The following SLC27A2 variants were observed in gnomAD, a reference collection of about 807,000 sequenced individuals.
SLC27A2 encodes long-chain fatty acid transport protein 2.
Under a neutral mutation model 60.0 loss-of-function variants are expected in SLC27A2, and 54 were observed. The ratio of observed to expected loss-of-function variants is 0.90; its 90% CI spans 0.72 to 1.13. SLC27A2 has a LOEUF of 1.13. Ranked by LOEUF, SLC27A2 falls within the 50% of genes most tolerant of loss-of-function variation. The pLI, the probability that SLC27A2 is intolerant of heterozygous loss-of-function variation, is 0.00. For missense variants in SLC27A2, 739 were observed against 777.6 expected (o/e 0.95, Z 0.59); for synonymous variants, 297 against 297.6 (o/e 1.00, Z 0.02).
rs2045072586 is a variant in SLC27A2 at position 50,202,487 on chromosome 15, G to A, written c.689G>A (p.Gly230Asp). 1 of 1,613,918 alleles carries A rather than the reference G, an allele frequency of 6.2e-7. No homozygotes were observed. Among genetic ancestry groups the A allele is most frequent in the Admixed American group, 1.7e-5 (1 of 59,986 alleles). Reference sequence around the variant, plus strand: ...TGCCTTCTCTTGTATATTTACAAAGGTCTTCCAAAAGCAGCCATGATCACT... The same window carrying A: ...TGCCTTCTCTTGTATATTTACAAAGATCTTCCAAAAGCAGCCATGATCACT... Reference protein sequence around the residue: ...ALYIYTSGTTGLPKAAMITHQ... With the variant: ...ALYIYTSGTTDLPKAAMITHQ... The change falls in exon 3 of 10, where the codon GGT (glycine) becomes GAT (aspartate). Residue 230 changes from glycine (G) to aspartate (D), a missense_variant and splice_region_variant. By Grantham distance (94) the Gly-to-Asp change is moderately conservative. Transcript: ENST00000267842.
At position 50,182,474 on chromosome 15, in the gene SLC27A2, C is replaced by T. The variant is rs1214993026; in HGVS notation, c.47C>T (p.Pro16Leu). 6.2e-7 allele frequency: 1 copy of T among 1,609,602 alleles called. No homozygotes were observed. Among genetic ancestry groups the T allele is most frequent in the African/African-American group, 1.3e-5 (1 of 74,858 alleles). Residue 16 changes from proline (P) to leucine (L), a missense_variant, in exon 1 of 10, where the codon CCG becomes CTG. Pro to Leu is a moderately conservative substitution (Grantham distance 98). Coordinates refer to ENST00000267842, the MANE Select transcript of SLC27A2 (RefSeq NM_003645.4). ...GTCCTGGCGGGACTGCTGTTCCTGC[C>T]GCTCCTGGTGAACCTCTGCTGCCCA... ...YTVLAGLLFL[P>L]LLVNLCCPYF...
At chr15:50,194,053 G>C (rs1430948170) in intron 1 of SLC27A2, among the ~76,000 whole-genome samples, 1 of 152,066 alleles carries the variant, frequency 6.6e-6, no homozygotes, top group Non-Finnish European at 1.5e-5. Flanking sequence ...GGCTGAAATG[G>C]GAAAATCACT....
intron 1 of SLC27A2, among the ~76,000 whole-genome samples, chr15:50,189,055 A>ATACG (rs971303679): frequency 1.3e-5 from 2 of 151,970 alleles, no homozygotes; most frequent in East Asian, 3.8e-4. Flanking sequence ...ACATACATAC[A>ATACG]TACATAATGG....
At chr15:50,228,839 C>T (rs927228226) in intron 7 of SLC27A2, 106 bp from the exon 8 acceptor site, 15 of 762,248 alleles carry the variant, frequency 2.0e-5, no homozygotes, top group Non-Finnish European at 3.2e-5. Flanking sequence ...ATGAGGAACA[C>T]GAGATCAGGA....
chr15:50,212,740 G>T (rs2045167750), intron 4 of SLC27A2, among the ~76,000 whole-genome samples: 2 of 152,192 alleles, frequency 1.3e-5, no homozygotes, highest in African/African-American at 4.8e-5. Flanking sequence ...AACAAATGCT[G>T]AGAGAATTCG....
intron 6 of SLC27A2, among the ~76,000 whole-genome samples, chr15:50,226,361 GCCTTTA>G (rs1182303354): frequency 1.3e-5 from 2 of 152,178 alleles, no homozygotes; most frequent in Non-Finnish European, 2.9e-5. Flanking sequence ...GTTTTAGGTG[GCCTTTA>G]CCTTTAAGCT....
At chr15:50,206,239 A>G (rs563798859) in intron 4 of SLC27A2, among the ~76,000 whole-genome samples, 1 of 152,206 alleles carries the variant, frequency 6.6e-6, no homozygotes, top group Non-Finnish European at 1.5e-5. Context: ...CCAGGTCATG[A>G]TCATCAAAAT....
At chr15:50,216,753 T>C (rs1261808945) in intron 4 of SLC27A2, among the ~76,000 whole-genome samples, 2 of 144,072 alleles carry the variant, frequency 1.4e-5, no homozygotes, top group African/African-American at 2.5e-5. Flanking sequence ...TTCCATATGA[T>C]ATATATATAT....
chr15:50,212,601 C>T (rs1002338220), intron 4 of SLC27A2, among the ~76,000 whole-genome samples: 1 of 152,186 alleles, frequency 6.6e-6, no homozygotes, highest in Non-Finnish European at 1.5e-5. Flanking sequence ...TCAGCAGAAA[C>T]CCTACAAGCT....
chr15:50,233,727 T>C, intron 8 of SLC27A2, 141 bp from the exon 9 acceptor site: 1 of 683,452 alleles, frequency 1.5e-6, no homozygotes, highest in South Asian at 2.2e-5. Flanking sequence ...CTTTACAGTA[T>C]CTTCATGTAT....
intron 4 of SLC27A2, among the ~76,000 whole-genome samples, chr15:50,219,317 G>T (rs1244006449): frequency 6.6e-6 from 1 of 152,134 alleles, no homozygotes; most frequent in African/African-American, 2.4e-5. Flanking sequence ...GGGGGTGAAG[G>T]GTGGGAACAG....
intron 2 of SLC27A2, 118 bp from the exon 3 acceptor site, chr15:50,202,369 C>A: frequency 1.0e-6 from 1 of 998,860 alleles, no homozygotes; most frequent in Non-Finnish European, 1.5e-6. Context: ...TGGTCATGGC[C>A]CTTCCCAGTG....
chr15:50,201,134 C>T (rs1242165506), intron 2 of SLC27A2, among the ~76,000 whole-genome samples: 3 of 152,088 alleles, frequency 2.0e-5, no homozygotes, highest in Admixed American at 1.3e-4. Context: ...AGGTGCATAC[C>T]GCCACACCCA....
intron 1 of SLC27A2, among the ~76,000 whole-genome samples, chr15:50,189,985 T>A (rs1595679978): frequency 6.6e-6 from 1 of 152,336 alleles, no homozygotes; most frequent in East Asian, 1.9e-4. Flanking sequence ...ATTACCTAAA[T>A]GTAAAATGAG....
chr15:50,211,832 G>C (rs927530118), intron 4 of SLC27A2, among the ~76,000 whole-genome samples: 5 of 152,112 alleles, frequency 3.3e-5, no homozygotes, highest in African/African-American at 1.2e-4. Context: ...AGCACTTTGG[G>C]AGGCTGAGGC....
chr15:50,182,890 C>G lies in SLC27A2; in HGVS notation c.463C>G (p.Leu155Val). Residue 155 changes from leucine (L) to valine (V), a missense_variant, in exon 1 of 10, where the codon CTG becomes GTG. Leu to Val is a conservative substitution (Grantham distance 32). Coordinates refer to ENST00000267842, the MANE Select transcript of SLC27A2 (RefSeq NM_003645.4). Reference sequence around the variant, plus strand: ...CTTCCAGTGCTGCGGGGCGAAGGTGCTGCTGGTGTCGCCAGGTGAGCCCCG... The same window carrying G: ...CTTCCAGTGCTGCGGGGCGAAGGTGGTGCTGGTGTCGCCAGGTGAGCCCCG... The part of the protein sequence containing the change: ...HCFQCCGAKV[L>V]LVSPELQAAV... 6.2e-7 allele frequency: 1 copy of G among 1,607,866 alleles called. No homozygotes were observed. Among genetic ancestry groups the G allele is most frequent in the Non-Finnish European group, 8.5e-7 (1 of 1,177,550 alleles).
chr15:50,219,718 A>G (rs1320347502), intron 4 of SLC27A2, among the ~76,000 whole-genome samples: 1 of 152,172 alleles, frequency 6.6e-6, no homozygotes, highest in East Asian at 1.9e-4. Context: ...AAACAGGTCA[A>G]CTGCCTGACC....
At chr15:50,228,244 G>C (rs1264867034) in intron 7 of SLC27A2, among the ~76,000 whole-genome samples, 1 of 151,944 alleles carries the variant, frequency 6.6e-6, no homozygotes, top group Non-Finnish European at 1.5e-5. Context: ...GGACATAGTG[G>C]CACGCGCCTG....
chr15:50,228,371 T>C (rs1219857301), intron 7 of SLC27A2, among the ~76,000 whole-genome samples: 2 of 83,604 alleles, frequency 2.4e-5, no homozygotes, highest in African/African-American at 9.2e-5. Context: ...AATGAGACTC[T>C]GCCTCAAAAA....
Sources: gnomAD v4.1 joint callset for allele counts (sites outside exome capture counted in the v4.1 genomes callset) on GRCh38, gnomAD v4.1.1 for gene constraint, MANE v1.5 for transcripts, NCBI Gene and HGNC (gene_info 2026-07-23, HGNC 2026-07-21) for gene names.